Variants in ELMO1 observed in about 807,000 individuals in gnomAD.
The protein encoded by ELMO1 is engulfment and cell motility 1.
ELMO1 carries 26 observed loss-of-function variants against 98.9 expected under a neutral mutation model. That is an observed-to-expected ratio of 0.26 (90% CI 0.19 to 0.36). The LOEUF (loss-of-function observed/expected upper bound fraction) is 0.36. Ranked by LOEUF, ELMO1 falls within the 10% of genes least tolerant of loss-of-function variation. The pLI is 1.00. For synonymous variants in ELMO1, 346 were observed against 346.0 expected (o/e 1.00, Z 0.00); for missense variants, 627 against 935.2 (o/e 0.67, Z 4.30).
intron 13 of ELMO1, chr7:37,204,348 A>G (rs1170791694): frequency 2.4e-6 from 1 of 409,414 alleles, no homozygotes; most frequent in Non-Finnish European, 4.9e-6. Context: ...GCTGACTTCA[A>G]GAGTGAAGCT....
intron 15 of ELMO1, among the ~76,000 whole-genome samples, chr7:37,085,250 A>AG (rs1014405779): frequency 1.3e-5 from 2 of 152,206 alleles, no homozygotes; most frequent in Admixed American, 1.3e-4. Flanking sequence ...AGACTCCCTG[A>AG]GGGAAAAACT....
intron 7 of ELMO1, among the ~76,000 whole-genome samples, chr7:37,240,311 C>T (rs1794697651): frequency 6.6e-6 from 1 of 152,184 alleles, no homozygotes; most frequent in African/African-American, 2.4e-5. Flanking sequence ...AGTGCTAAAA[C>T]ATTAAATTTA....
chr7:37,263,704 A>G (rs1796096367), intron 5 of ELMO1, among the ~76,000 whole-genome samples: 1 of 152,188 alleles, frequency 6.6e-6, no homozygotes, highest in Non-Finnish European at 1.5e-5. Context: ...GTTAGTGCCA[A>G]AGCCCTGATT....
chr7:37,314,518 GA>G (rs10716111), intron 4 of ELMO1, among the ~76,000 whole-genome samples: 151,952 of 152,206 alleles, frequency 1, 75,849 homozygotes, highest in Middle Eastern at 1. Flanking sequence ...AGGCTACTTT[GA>G]AAAAAACAAA....
At chr7:37,051,585 T>G (rs2129204790) in intron 15 of ELMO1, among the ~76,000 whole-genome samples, 1 of 152,278 alleles carries the variant, frequency 6.6e-6, no homozygotes, top group African/African-American at 2.4e-5. Context: ...AAAGGTGTTT[T>G]TTTTTTTGTC....
chr7:36,989,434 C>T (rs987355968), intron 16 of ELMO1, among the ~76,000 whole-genome samples: 6 of 152,152 alleles, frequency 3.9e-5, no homozygotes, highest in African/African-American at 1.2e-4. Flanking sequence ...GGCAGAATCA[C>T]GAATATTTTC....
intron 2 of ELMO1, among the ~76,000 whole-genome samples, chr7:37,327,026 GAAC>G (rs370067362): frequency 1.3e-5 from 2 of 152,284 alleles, no homozygotes; most frequent in Admixed American, 6.5e-5. Context: ...TGGATATCAA[GAAC>G]AACGTTTTTC....
At chr7:37,018,708 C>T (rs781156332) in intron 15 of ELMO1, among the ~76,000 whole-genome samples, 9 of 152,114 alleles carry the variant, frequency 5.9e-5, no homozygotes, top group South Asian at 2.1e-4. Flanking sequence ...AACTCCTGAC[C>T]GCAGGTGATC....
chr7:37,266,652 G>A (rs1439174671), intron 5 of ELMO1, among the ~76,000 whole-genome samples: 1 of 152,066 alleles, frequency 6.6e-6, no homozygotes, highest in Non-Finnish European at 1.5e-5. Flanking sequence ...GTACTATAAT[G>A]GCTTTGTAAT....
chr7:37,217,456 A>G (rs1793352291), intron 10 of ELMO1, among the ~76,000 whole-genome samples: 1 of 152,040 alleles, frequency 6.6e-6, no homozygotes, highest in African/African-American at 2.4e-5. Flanking sequence ...TCAGGAAGAC[A>G]CTTGACCGTT....
At chr7:37,183,849 TATATA>T (rs1032101497) in intron 13 of ELMO1, among the ~76,000 whole-genome samples, 19 of 152,214 alleles carry the variant, frequency 1.2e-4, no homozygotes, top group African/African-American at 4.3e-4. Flanking sequence ...TCTTTACCCT[TATATA>T]ATAATAATAG....
Position 37,085,500 on chromosome 7 carries a change from T to C in ELMO1, c.1300+11119A>G, listed in dbSNP as rs372542848. On this transcript the variant is annotated intron_variant, in intron 15 of 21. Coordinates refer to ENST00000310758, the MANE Select transcript of ELMO1 (RefSeq NM_014800.11). ...TATTTTACTATCTATTAGAATCTTCTAGCATTCTGCTTATACTTTCCCTCC... is the reference window on the plus strand; with the variant it reads ...TATTTTACTATCTATTAGAATCTTCCAGCATTCTGCTTATACTTTCCCTCC... Among the ~76,000 whole-genome samples, 8 of 152,378 alleles carry C rather than the reference T, an allele frequency of 5.3e-5. No individual in the cohort carries two copies. In the South Asian group the frequency reaches 1.4e-3, roughly 28 times the overall value.
intron 2 of ELMO1, among the ~76,000 whole-genome samples, chr7:37,333,018 T>C (rs1203150848): frequency 6.6e-6 from 1 of 152,112 alleles, no homozygotes; most frequent in Non-Finnish European, 1.5e-5. Flanking sequence ...TGAGGGGCTA[T>C]GGAGATTGTG....
At chr7:37,146,432 C>T (rs1324771216) in intron 13 of ELMO1, among the ~76,000 whole-genome samples, 2 of 152,180 alleles carry the variant, frequency 1.3e-5, no homozygotes, top group East Asian at 1.9e-4. Flanking sequence ...GGAGCTGGTG[C>T]CCTTGACTCC....
At chr7:37,115,271 T>C (rs887133924) in intron 14 of ELMO1, among the ~76,000 whole-genome samples, 2 of 152,036 alleles carry the variant, frequency 1.3e-5, no homozygotes, top group Admixed American at 6.6e-5. Flanking sequence ...ATTACCCTAA[T>C]ACCAAAACCA....
intron 1 of ELMO1, among the ~76,000 whole-genome samples, chr7:37,393,078 A>T (rs565765949): frequency 1.3e-5 from 2 of 152,306 alleles, no homozygotes; most frequent in East Asian, 3.9e-4. Flanking sequence ...AATACAAAAC[A>T]TCTCTCCTGG....
At chr7:37,101,394 T>C (rs1204615735) in intron 14 of ELMO1, among the ~76,000 whole-genome samples, 3 of 152,206 alleles carry the variant, frequency 2.0e-5, no homozygotes, top group East Asian at 3.9e-4. Context: ...GAGTCTTTTA[T>C]TAGCCGGTGA....
At chr7:37,145,531 T>C (rs1348990580) in intron 13 of ELMO1, among the ~76,000 whole-genome samples, 3 of 152,260 alleles carry the variant, frequency 2.0e-5, no homozygotes, top group Non-Finnish European at 4.4e-5. Flanking sequence ...AGTAGCAAAC[T>C]GTAATCAGGC....
intron 18 of ELMO1, among the ~76,000 whole-genome samples, chr7:36,883,234 C>A (rs1804639148): frequency 6.6e-6 from 1 of 152,228 alleles, no homozygotes; most frequent in Non-Finnish European, 1.5e-5. Context: ...CTGTCCTCTG[C>A]AGGAGGTTTC....
Sources: gnomAD v4.1 joint callset for allele counts (sites outside exome capture counted in the v4.1 genomes callset) on GRCh38, gnomAD v4.1.1 for gene constraint, MANE v1.5 for transcripts, NCBI Gene and HGNC (gene_info 2026-07-23, HGNC 2026-07-21) for gene names.